The following SPIRE1 variants were observed in gnomAD, a reference collection of about 807,000 sequenced individuals.
The protein encoded by SPIRE1 is protein spire homolog 1.
In SPIRE1, 40 loss-of-function variants were observed where a neutral mutation model predicts 94.1. The observed-to-expected ratio is 0.43, with a 90% CI of 0.33 to 0.55. SPIRE1 has a LOEUF of 0.55. Ranked by LOEUF, SPIRE1 falls within the 20% of genes least tolerant of loss-of-function variation. The pLI is 0.06. For synonymous variants in SPIRE1, 376 were observed against 371.7 expected, an observed-to-expected ratio of 1.01 and a Z score of -0.13; for missense variants, 838 against 975.2, an observed-to-expected ratio of 0.86 and a Z score of 1.87.
intron 2 of SPIRE1, among the ~76,000 whole-genome samples, chr18:12,574,554 G>A (rs955844048): frequency 5.9e-5 from 9 of 152,216 alleles, no homozygotes. Flanking sequence ...GTTTGGAAGA[G>A]AAAGATGGCA....
chr18:12,534,544 C>A (rs2034783422), intron 4 of SPIRE1, among the ~76,000 whole-genome samples: 1 of 152,090 alleles, frequency 6.6e-6, no homozygotes, highest in Non-Finnish European at 1.5e-5. Flanking sequence ...AGGTGGGCAC[C>A]ATCCATTTGG....
At chr18:12,456,668 C>T (rs1416392805) in intron 12 of SPIRE1, among the ~76,000 whole-genome samples, 1 of 152,272 alleles carries the variant, frequency 6.6e-6, no homozygotes, top group Admixed American at 6.5e-5. Context: ...GTAAACCCTT[C>T]AGGCAGATGG....
At position 12,452,274 on chromosome 18, in the gene SPIRE1, G is replaced by A. The variant is rs1404109464; in HGVS notation, c.1993C>T (p.Pro665Ser). ...SEKPSTAHHR[P>S]LRSIARFSSK... Reference sequence around the variant, plus strand: ...GCTCACCTGGCAATGCTCCGAAGTGGCCGATGATGGGCAGTGGAGGGTTTT... The same window carrying A: ...GCTCACCTGGCAATGCTCCGAAGTGACCGATGATGGGCAGTGGAGGGTTTT... The change falls in exon 16 of 17, where the codon CCA becomes TCA. Residue 665 changes from proline (P) to serine (S), a missense_variant. Pro to Ser is a moderately conservative substitution (Grantham distance 74). Transcript: ENST00000409402. 1.2e-6 allele frequency: 2 copies of A among 1,614,002 alleles called. No homozygotes were observed. Among genetic ancestry groups the A allele is most frequent in the South Asian group, 1.1e-5 (1 of 91,058 alleles).
intron 6 of SPIRE1, among the ~76,000 whole-genome samples, chr18:12,498,633 T>G (rs916994201): frequency 6.6e-6 from 1 of 152,098 alleles, no homozygotes; most frequent in Non-Finnish European, 1.5e-5. Context: ...TCTGAAATAA[T>G]TTTCTTTTTT....
chr18:12,503,728 T>C (rs2033742755), intron 6 of SPIRE1, among the ~76,000 whole-genome samples: 1 of 148,180 alleles, frequency 6.7e-6, no homozygotes, highest in Non-Finnish European at 1.5e-5. Context: ...GTCTAGCACA[T>C]AGAAAGTCCT....
chr18:12,494,367 G>A (rs2033356909), intron 7 of SPIRE1, among the ~76,000 whole-genome samples: 1 of 152,112 alleles, frequency 6.6e-6, no homozygotes, highest in Non-Finnish European at 1.5e-5. Context: ...GCTAAATTGT[G>A]GAGCCAGTGT....
intron 2 of SPIRE1, among the ~76,000 whole-genome samples, chr18:12,619,293 G>A (rs2037395991): frequency 6.6e-6 from 1 of 152,068 alleles, no homozygotes; most frequent in Non-Finnish European, 1.5e-5. Context: ...AGGCCAATCA[G>A]GTCAGGAGAT....
chr18:12,503,364 A>G (rs2033727064), intron 6 of SPIRE1, among the ~76,000 whole-genome samples: 1 of 152,170 alleles, frequency 6.6e-6, no homozygotes, highest in African/African-American at 2.4e-5. Flanking sequence ...TGCTCTTTGC[A>G]GCTGTGCCTC....
At chr18:12,521,314 G>A (rs926629548) in intron 4 of SPIRE1, among the ~76,000 whole-genome samples, 1 of 151,108 alleles carries the variant, frequency 6.6e-6, no homozygotes, top group East Asian at 1.9e-4. Context: ...ACTGCCTTTC[G>A]CTTTGTTGTA....
chr18:12,493,081 T>C lies in SPIRE1; in HGVS notation c.1180A>G (p.Ser394Gly). 1 of 1,611,344 alleles carries C rather than the reference T, an allele frequency of 6.2e-7. No homozygotes were observed. Among genetic ancestry groups the C allele is most frequent in the Non-Finnish European group, 8.5e-7 (1 of 1,179,450 alleles). Residue 394 changes from serine (S) to glycine (G), a missense_variant, in exon 8 of 17, where the codon AGC (serine) becomes GGC (glycine). Around this residue, in one of 2 missense-constraint regions of SPIRE1, gnomAD observed 645 missense variants for 804.7 expected, o/e 0.80. Coordinates refer to ENST00000409402, the MANE Select transcript of SPIRE1 (RefSeq NM_001128626.2). ...GAAGCAGTGGACTCACCTAATCTGC[T>C]ACGTCTAATCTCCTCTGGTGATACA... ...RPVSPEEIRR[S>G]RLAMRPLSMS...
At position 12,482,070 on chromosome 18, in the gene SPIRE1, G is replaced by A. The variant is rs148291501; in HGVS notation, c.1232-2199C>T. Among the ~76,000 whole-genome samples, 1,055 of 152,206 alleles carry A rather than the reference G, an allele frequency of 6.9e-3. 6 individuals carry two copies. Among genetic ancestry groups the A allele is most frequent in the Non-Finnish European group, 0.011 (734 of 68,024 alleles). On this transcript the variant is annotated intron_variant, in intron 9 of 16. Transcript: ENST00000409402. Reference sequence around the variant, plus strand: ...TCATGCTGGCCCCACATTTCCAATCGACAAAGCCAGAGTTTCCCTAAGAAT... The same window carrying A: ...TCATGCTGGCCCCACATTTCCAATCAACAAAGCCAGAGTTTCCCTAAGAAT...
chr18:12,521,479 G>A (rs1478856038), intron 4 of SPIRE1, among the ~76,000 whole-genome samples: 1 of 151,914 alleles, frequency 6.6e-6, no homozygotes, highest in Non-Finnish European at 1.5e-5. Flanking sequence ...GATTATAGGC[G>A]TGCACCACCA....
At chr18:12,587,821 G>A (rs2144570648) in intron 2 of SPIRE1, among the ~76,000 whole-genome samples, 1 of 152,276 alleles carries the variant, frequency 6.6e-6, no homozygotes, top group African/African-American at 2.4e-5. Flanking sequence ...AAAAAACTCT[G>A]AAGGCTTTCT....
intron 10 of SPIRE1, among the ~76,000 whole-genome samples, chr18:12,473,212 C>T (rs1372586462): frequency 1.3e-5 from 2 of 152,066 alleles, no homozygotes; most frequent in Non-Finnish European, 2.9e-5. Flanking sequence ...TGTGAGCCAC[C>T]CACCTGGCTC....
At chr18:12,656,585 T>C (rs2038543953) in intron 1 of SPIRE1, 2 of 341,870 alleles carry the variant, frequency 5.9e-6, no homozygotes, top group Admixed American at 6.5e-5. Context: ...CTTAAGCATT[T>C]TGACATTTCC....
At chr18:12,590,717 A>AC (rs892507216) in intron 2 of SPIRE1, among the ~76,000 whole-genome samples, 11 of 151,744 alleles carry the variant, frequency 7.2e-5, no homozygotes, top group Non-Finnish European at 1.5e-4. Flanking sequence ...AGGCATGAAG[A>AC]CCCCCAGGAA....
intron 3 of SPIRE1, among the ~76,000 whole-genome samples, chr18:12,542,222 A>C (rs1287406034): frequency 6.6e-6 from 1 of 151,898 alleles, no homozygotes; most frequent in East Asian, 1.9e-4. Flanking sequence ...TGATCTGCCC[A>C]CCTCAGCCTC....
intron 5 of SPIRE1, among the ~76,000 whole-genome samples, chr18:12,509,002 G>A (rs1278603029): frequency 1.3e-5 from 2 of 152,086 alleles, no homozygotes; most frequent in Non-Finnish European, 2.9e-5. Context: ...TCGGTTTTGT[G>A]TGCATGATTG....
chr18:12,537,616 T>C (rs971049164), intron 3 of SPIRE1, among the ~76,000 whole-genome samples: 14 of 152,110 alleles, frequency 9.2e-5, no homozygotes, highest in African/African-American at 3.4e-4. Context: ...ATCTTACACA[T>C]AAAAAATCTA....
Sources: gnomAD v4.1 joint callset for allele counts (sites outside exome capture counted in the v4.1 genomes callset) on GRCh38, gnomAD v4.1.1 for gene constraint, gnomAD v4.1.1 regional missense constraint, MANE v1.5 for transcripts, NCBI Gene and HGNC (gene_info 2026-07-23, HGNC 2026-07-21) for gene names.